The following ACTL6A variants were observed in gnomAD, a reference collection of about 807,000 sequenced individuals.
ACTL6A encodes actin-like protein 6A.
Under a neutral mutation model 59.2 loss-of-function variants are expected in ACTL6A, and 5 were observed. The observed-to-expected ratio is 0.08, with a 90% CI of 0.04 to 0.18. ACTL6A has a LOEUF of 0.18. ACTL6A is among the 10% of genes least tolerant of loss of function. ACTL6A has a pLI of 1.00. For missense variants in ACTL6A, 285 were observed against 526.9 expected, an observed-to-expected ratio of 0.54 and a Z score of 4.49; for synonymous variants, 154 against 171.8, an observed-to-expected ratio of 0.90 and a Z score of 0.81.
At chr3:179,563,220 C>G (rs1218746469) in intron 1 of ACTL6A, 103 bp downstream of exon 1, 43 of 1,496,060 alleles carry the variant, frequency 2.9e-5, no homozygotes, top group African/African-American at 4.2e-5. Context: ...TCCGGTCTCC[C>G]CCTCTCGGGA....
intron 5 of ACTL6A, chr3:179,575,196 A>G (rs1463023743): frequency 3.7e-5 from 13 of 356,034 alleles, no homozygotes; most frequent in Non-Finnish European, 7.1e-5. Flanking sequence ...CGTCTTCTAC[A>G]TTTCTTCCTT....
At chr3:179,579,472 A>ACACACT in intron 8 of ACTL6A, among the ~76,000 whole-genome samples, 3 of 151,976 alleles carry the variant, frequency 2.0e-5, no homozygotes, top group Admixed American at 2.0e-4. Context: ...ACACACACAC[A>ACACACT]CACACACACA....
At chr3:179,568,044 CG>C (rs1717890429) in intron 1 of ACTL6A, among the ~76,000 whole-genome samples, 1 of 151,644 alleles carries the variant, frequency 6.6e-6, no homozygotes, top group Non-Finnish European at 1.5e-5. Flanking sequence ...TGGTGGTGCG[CG>C]TCTGTAGTCC....
intron 4 of ACTL6A, 80 bp downstream of exon 4, chr3:179,573,549 T>C: frequency 2.1e-6 from 2 of 961,424 alleles, no homozygotes; most frequent in Admixed American, 3.3e-5. Flanking sequence ...TTTCTACTCA[T>C]TTGATGAACA....
At chr3:179,571,021 G>T (rs1038114732) in intron 3 of ACTL6A, among the ~76,000 whole-genome samples, 1 of 152,164 alleles carries the variant, frequency 6.6e-6, no homozygotes, top group Non-Finnish European at 1.5e-5. Flanking sequence ...CAAGAGAGAA[G>T]TTGAGAAAGT....
intron 1 of ACTL6A, among the ~76,000 whole-genome samples, chr3:179,564,449 A>G (rs956899169): frequency 6.6e-6 from 1 of 152,192 alleles, no homozygotes; most frequent in African/African-American, 2.4e-5. Flanking sequence ...GAGGATTTTT[A>G]TAGACTAGAA....
intron 1 of ACTL6A, among the ~76,000 whole-genome samples, chr3:179,565,144 A>G (rs1717792210): frequency 6.6e-6 from 1 of 152,284 alleles, no homozygotes; most frequent in East Asian, 1.9e-4. Flanking sequence ...AGAGATGTTC[A>G]TTGATAACAA....
At chr3:179,574,273 T>C in intron 4 of ACTL6A, 97 bp from the exon 5 acceptor site, 1 of 691,940 alleles carries the variant, frequency 1.4e-6, no homozygotes. Flanking sequence ...GTTCTTAATG[T>C]TTTATATCTT....
chr3:179,586,884 T>C (rs1718511505), intron 13 of ACTL6A, among the ~76,000 whole-genome samples: 1 of 152,216 alleles, frequency 6.6e-6, no homozygotes, highest in Admixed American at 6.5e-5. Flanking sequence ...AATGTATGCA[T>C]GCCTTTTCTA....
rs1248557484 is a variant in ACTL6A, at chr3:179,569,882, T to G, written c.84T>G (p.Ala28=). 2.5e-6 allele frequency: 4 copies of G among 1,614,082 alleles called. No individual in the cohort carries two copies. The Admixed American group carries it at 6.7e-5, about 27-fold the overall frequency. Residue 28 remains alanine, a synonymous_variant, in exon 2 of 14, where the codon GCT becomes GCG. Coordinates refer to ENST00000429709, the MANE Select transcript of ACTL6A (RefSeq NM_004301.5). ...IGSYTVRAGY[A]GEDCPKVDFP... ...CCTATACTGTGAGAGCTGGTTATGC[T>G]GGTGAGGACTGCCCCAAGGTAAGTG...
chr3:179,569,990 TA>T, intron 2 of ACTL6A, 76 bp from the exon 3 acceptor site: 1 of 1,575,120 alleles, frequency 6.3e-7, no homozygotes, highest in Non-Finnish European at 8.6e-7. Flanking sequence ...CAAAATATAA[TA>T]AAATACATTA....
intron 1 of ACTL6A, among the ~76,000 whole-genome samples, chr3:179,566,284 A>G (rs547301480): frequency 7.9e-5 from 12 of 152,316 alleles, no homozygotes; most frequent in African/African-American, 2.4e-4. Context: ...TTTAGGTAGA[A>G]GTTGAAGCTA....
rs1381121908 is a variant in ACTL6A, at chr3:179,562,993, A to G, written c.-100A>G. 2.7e-6 allele frequency: 4 copies of G among 1,497,662 alleles called. No homozygotes were observed. The highest frequency in any genetic ancestry group is 3.7e-5 in the Admixed American group (2 of 53,870). 92.8% of individuals were successfully genotyped at this position (1,497,662 alleles called of 1,614,324 possible). On this transcript the variant is annotated 5_prime_UTR_variant, in exon 1 of 14. Coordinates refer to ENST00000429709, the MANE Select transcript of ACTL6A (RefSeq NM_004301.5). ...CCTGAGGTGGGTGGCGGTGGAAGTTAAGGGAGTCAGGGGCTATCGCTCCTC... is the reference window on the plus strand; with the variant it reads ...CCTGAGGTGGGTGGCGGTGGAAGTTGAGGGAGTCAGGGGCTATCGCTCCTC...
chr3:179,563,079 C>T lies in ACTL6A; in HGVS notation c.-14C>T. 1.2e-6 allele frequency: 2 copies of T among 1,611,344 alleles called. No individual in the cohort carries two copies. Among genetic ancestry groups the T allele is most frequent in the Non-Finnish European group, 1.7e-6 (2 of 1,179,512 alleles). Reference sequence around the variant, plus strand: ...CAGTTAGCCCTTAGGGTAGGAGTCGCGCCGGCAGCAGCCATGAGCGGCGGC... The same window carrying T: ...CAGTTAGCCCTTAGGGTAGGAGTCGTGCCGGCAGCAGCCATGAGCGGCGGC... On this transcript the variant is annotated 5_prime_UTR_variant, in exon 1 of 14. Coordinates refer to ENST00000429709, the MANE Select transcript of ACTL6A (RefSeq NM_004301.5).
intron 12 of ACTL6A, among the ~76,000 whole-genome samples, chr3:179,585,513 G>A (rs1392389244): frequency 6.6e-6 from 1 of 152,144 alleles, no homozygotes; most frequent in Non-Finnish European, 1.5e-5. Context: ...TTTAGGAGGT[G>A]ATAACAATCT....
At chr3:179,579,455 T>TATATAC (rs1553778005) in intron 8 of ACTL6A, among the ~76,000 whole-genome samples, 6 of 145,054 alleles carry the variant, frequency 4.1e-5, no homozygotes, top group South Asian at 4.5e-4. Context: ...TTATATCATA[T>TATATAC]ACACACACAC....
At position 179,580,660 on chromosome 3, in the gene ACTL6A, A is replaced by T; in HGVS notation, c.789A>T (p.Gln263His). 6.2e-7 allele frequency: 1 copy of T among 1,609,314 alleles called. No homozygotes were observed. Among genetic ancestry groups the T allele is most frequent in the South Asian group, 1.1e-5 (1 of 90,058 alleles). The change falls in exon 9 of 14, where the codon CAA becomes CAT. Residue 263 changes from glutamine (Q) to histidine (H), a missense_variant. Gln to His is a conservative substitution (Grantham distance 24). Transcript: ENST00000429709. ...YMCNCVIQDF[Q>H]ASVLQVSDST... is the part of the protein sequence containing the mutation. The stretch of plus-strand genomic sequence containing the variant: ...CACAGTGTGTTATCCAGGATTTTCA[A>T]GCTTCGGTACTTCAAGTGTCAGATT...
intron 1 of ACTL6A, among the ~76,000 whole-genome samples, chr3:179,566,646 C>G (rs1050793902): frequency 6.6e-6 from 1 of 152,158 alleles, no homozygotes; most frequent in African/African-American, 2.4e-5. Flanking sequence ...ATGGCCGTCC[C>G]TCTGTACAAG....
At chr3:179,571,004 G>C (rs1207972454) in intron 3 of ACTL6A, among the ~76,000 whole-genome samples, 1 of 152,184 alleles carries the variant, frequency 6.6e-6, no homozygotes, top group Non-Finnish European at 1.5e-5. Flanking sequence ...GATCGAGGGA[G>C]TGAAAGCAAG....
Sources: gnomAD v4.1 joint callset for allele counts (sites outside exome capture counted in the v4.1 genomes callset) on GRCh38, gnomAD v4.1.1 for gene constraint, MANE v1.5 for transcripts, NCBI Gene and HGNC (gene_info 2026-07-23, HGNC 2026-07-21) for gene names.